The following CSMD3 variants were observed in gnomAD, a reference collection of about 807,000 sequenced individuals.
CSMD3 encodes the protein CUB and sushi domain-containing protein 3.
Under a neutral mutation model 435.2 loss-of-function variants are expected in CSMD3, and 177 were observed. That is an observed-to-expected ratio of 0.41 (90% CI 0.36 to 0.46). The LOEUF (loss-of-function observed/expected upper bound fraction) is 0.46, where lower values mean the gene tolerates loss of function less well. Ranked by LOEUF, CSMD3 falls within the 20% of genes least tolerant of loss-of-function variation. The pLI is 0.34. For synonymous variants in CSMD3, 1,656 were observed against 1,520.5 expected (o/e 1.09, Z -2.07); for missense variants, 4,265 against 4,504.6 (o/e 0.95, Z 1.52).
At chr8:112,225,951 A>T (rs957697498) in intron 70 of CSMD3, among the ~76,000 whole-genome samples, 2 of 152,170 alleles carry the variant, frequency 1.3e-5, no homozygotes, top group African/African-American at 4.8e-5. Flanking sequence ...AATGGAAAAA[A>T]GGCAGACTTG....
At chr8:112,318,375 C>T (rs532704931) in intron 47 of CSMD3, among the ~76,000 whole-genome samples, 1 of 151,988 alleles carries the variant, frequency 6.6e-6, no homozygotes, top group Non-Finnish European at 1.5e-5. Flanking sequence ...GCTTCCACAG[C>T]GAGGGCCACT....
intron 7 of CSMD3, among the ~76,000 whole-genome samples, chr8:112,971,646 A>C (rs1481549738): frequency 6.6e-6 from 1 of 152,174 alleles, no homozygotes; most frequent in Non-Finnish European, 1.5e-5. Context: ...AGGTGGACTA[A>C]AATGCAGTCA....
chr8:112,655,551 C>G (rs1336104945), intron 18 of CSMD3, among the ~76,000 whole-genome samples: 1 of 151,850 alleles, frequency 6.6e-6, no homozygotes, highest in African/African-American at 2.4e-5. Flanking sequence ...ATATTTTAGA[C>G]TTTTTAAACA....
chr8:112,356,949 G>A (rs781097054), intron 38 of CSMD3, among the ~76,000 whole-genome samples: 8 of 151,970 alleles, frequency 5.3e-5, no homozygotes, highest in Admixed American at 1.3e-4. Flanking sequence ...GACTAATATC[G>A]TAAATTGGTA....
chr8:112,921,685 G>A lies in CSMD3; in HGVS notation c.1575C>T (p.Thr525=), dbSNP rs1241840866. 1 of 1,611,810 alleles carries A rather than the reference G, an allele frequency of 6.2e-7. No homozygotes were observed. The highest frequency in any genetic ancestry group is 1.7e-5 in the Admixed American group (1 of 59,914). ...DYVLQGAKSI[T]CQRIAEVFAA... ...CAAAAACTTCAGCTATCCGTTGACA[G>A]GTGATGCTCTTTGCGCCCTGTAGGA... Residue 525 remains threonine, a synonymous_variant, in exon 10 of 71, where the codon ACC becomes ACT. Coordinates refer to ENST00000297405, the MANE Select transcript of CSMD3 (RefSeq NM_198123.2).
intron 27 of CSMD3, among the ~76,000 whole-genome samples, chr8:112,540,121 ATGCTTTG>A (rs1222133051): frequency 1.3e-5 from 2 of 152,056 alleles, no homozygotes; most frequent in Admixed American, 6.6e-5. Flanking sequence ...TAATGAGCAA[ATGCTTTG>A]AATAGGCATT....
At chr8:112,828,067 C>T (rs1028117998) in intron 12 of CSMD3, among the ~76,000 whole-genome samples, 1 of 152,088 alleles carries the variant, frequency 6.6e-6, no homozygotes, top group Non-Finnish European at 1.5e-5. Context: ...CAGTATATTG[C>T]ATGTAAAATA....
chr8:113,231,335 G>A (rs1286541299), intron 3 of CSMD3, among the ~76,000 whole-genome samples: 1 of 150,968 alleles, frequency 6.6e-6, no homozygotes, highest in East Asian at 1.9e-4. Context: ...GAAAATGTTG[G>A]GTCATGGATA....
At chr8:113,159,016 A>G (rs1218421577) in intron 4 of CSMD3, among the ~76,000 whole-genome samples, 1 of 151,908 alleles carries the variant, frequency 6.6e-6, no homozygotes, top group African/African-American at 2.4e-5. Flanking sequence ...GTCAATATTG[A>G]TGGTTCTTTT....
intron 5 of CSMD3, among the ~76,000 whole-genome samples, chr8:113,088,827 C>T (rs1041306588): frequency 4.6e-5 from 7 of 151,510 alleles, no homozygotes; most frequent in African/African-American, 4.8e-5. Context: ...AACCTGCACA[C>T]TGTGCACATG....
chr8:113,145,178 A>G (rs2091644372), intron 4 of CSMD3, among the ~76,000 whole-genome samples: 1 of 151,462 alleles, frequency 6.6e-6, no homozygotes, highest in Non-Finnish European at 1.5e-5. Context: ...TAGGAAATGG[A>G]CCAGTGAGGT....
chr8:112,403,714 A>G (rs894112207), intron 35 of CSMD3, among the ~76,000 whole-genome samples: 2 of 151,528 alleles, frequency 1.3e-5, no homozygotes, highest in African/African-American at 4.9e-5. Flanking sequence ...ACTTCTTAAT[A>G]CCCCCACATG....
At chr8:112,762,792 C>T (rs1283298274) in intron 13 of CSMD3, among the ~76,000 whole-genome samples, 1 of 151,502 alleles carries the variant, frequency 6.6e-6, no homozygotes, top group Non-Finnish European at 1.5e-5. Context: ...GGCTATAGTG[C>T]CAGAAATAAC....
intron 16 of CSMD3, among the ~76,000 whole-genome samples, chr8:112,679,654 T>C (rs1370237996): frequency 6.6e-6 from 1 of 152,186 alleles, no homozygotes; most frequent in East Asian, 1.9e-4. Flanking sequence ...AAGTAGTGAT[T>C]CATTAAATTA....
At chr8:112,919,361 A>G (rs758595634) in intron 10 of CSMD3, among the ~76,000 whole-genome samples, 10 of 151,874 alleles carry the variant, frequency 6.6e-5, no homozygotes, top group Non-Finnish European at 1.2e-4. Context: ...TAAAAAAATA[A>G]CAATGTAATA....
intron 10 of CSMD3, among the ~76,000 whole-genome samples, chr8:112,903,996 G>A (rs1443355788): frequency 6.6e-6 from 1 of 151,428 alleles, no homozygotes; most frequent in South Asian, 2.1e-4. Context: ...GCACTTTGAA[G>A]GCACTGTAAA....
At chr8:112,410,521 T>C (rs1026161414) in intron 32 of CSMD3, among the ~76,000 whole-genome samples, 4 of 142,140 alleles carry the variant, frequency 2.8e-5, no homozygotes, top group Non-Finnish European at 4.6e-5. Flanking sequence ...TATATATATG[T>C]ATATTTGTTT....
chr8:112,641,985 C>T (rs961503714), intron 20 of CSMD3, among the ~76,000 whole-genome samples: 2 of 152,024 alleles, frequency 1.3e-5, no homozygotes, highest in African/African-American at 4.8e-5. Flanking sequence ...ACAACCAATT[C>T]TAATAAGGCA....
At chr8:112,415,346 A>T (rs2130189536) in intron 32 of CSMD3, among the ~76,000 whole-genome samples, 1 of 152,340 alleles carries the variant, frequency 6.6e-6, no homozygotes, top group Non-Finnish European at 1.5e-5. Flanking sequence ...GGCAGCTTTC[A>T]CACGGTGTTG....
Sources: gnomAD v4.1 joint callset for allele counts (sites outside exome capture counted in the v4.1 genomes callset) on GRCh38, gnomAD v4.1.1 for gene constraint, MANE v1.5 for transcripts, NCBI Gene and HGNC (gene_info 2026-07-23, HGNC 2026-07-21) for gene names.